The following KSR2 variants were observed in gnomAD, a reference collection of about 807,000 sequenced individuals.
KSR2 encodes kinase suppressor of ras 2.
Under a neutral mutation model 107.8 loss-of-function variants are expected in KSR2, and 25 were observed. The ratio of observed to expected loss-of-function variants is 0.23; its 90% CI spans 0.17 to 0.32. The LOEUF (loss-of-function observed/expected upper bound fraction) is 0.32. KSR2 is among the 10% of genes least tolerant of loss of function. The probability of loss-of-function intolerance (pLI) is 1.00; values close to 1 mark genes in which losing one functional copy is unlikely to be tolerated. For missense variants in KSR2, 887 were observed against 1,268.9 expected, an observed-to-expected ratio of 0.70 and a Z score of 4.57; for synonymous variants, 480 against 507.0, an observed-to-expected ratio of 0.95 and a Z score of 0.71.
intron 4 of KSR2, among the ~76,000 whole-genome samples, chr12:117,699,609 T>TA (rs1344877673): frequency 6.6e-6 from 1 of 152,114 alleles, no homozygotes; most frequent in Non-Finnish European, 1.5e-5. Flanking sequence ...ACAGGCAAAA[T>TA]ACGCTATAAA....
At chr12:117,580,830 G>C (rs1413150521) in intron 6 of KSR2, among the ~76,000 whole-genome samples, 2 of 152,170 alleles carry the variant, frequency 1.3e-5, no homozygotes, top group Non-Finnish European at 2.9e-5. Context: ...CAGGGGCCGA[G>C]CTGAGCCAGA....
intron 5 of KSR2, among the ~76,000 whole-genome samples, chr12:117,598,275 C>T (rs567454107): frequency 1.1e-4 from 16 of 152,318 alleles, no homozygotes; most frequent in Admixed American, 1.0e-3. Flanking sequence ...GAATAATGGT[C>T]TCCAACTCCA....
intron 1 of KSR2, among the ~76,000 whole-genome samples, chr12:117,952,534 G>C (rs1896394551): frequency 6.6e-6 from 1 of 151,838 alleles, no homozygotes; most frequent in South Asian, 2.1e-4. Flanking sequence ...AAATTAGCCA[G>C]GTGTGGTGGC....
chr12:117,547,920 C>T (rs1876994881), intron 9 of KSR2, among the ~76,000 whole-genome samples: 1 of 152,048 alleles, frequency 6.6e-6, no homozygotes, highest in African/African-American at 2.4e-5. Flanking sequence ...CTAGTGAAAC[C>T]CCATCTCTAC....
intron 1 of KSR2, among the ~76,000 whole-genome samples, chr12:117,906,223 G>A (rs1410193826): frequency 6.6e-6 from 1 of 151,802 alleles, no homozygotes; most frequent in Admixed American, 6.6e-5. Flanking sequence ...CATGGTGGTG[G>A]GCACCTGTAA....
chr12:117,822,233 G>A (rs1389440122), intron 3 of KSR2, among the ~76,000 whole-genome samples: 1 of 152,184 alleles, frequency 6.6e-6, no homozygotes, highest in Non-Finnish European at 1.5e-5. Context: ...CCTTGGGGCT[G>A]CTCTGTCTAT....
At chr12:117,527,753 C>T (rs977428217) in intron 12 of KSR2, among the ~76,000 whole-genome samples, 4 of 152,092 alleles carry the variant, frequency 2.6e-5, no homozygotes, top group Admixed American at 2.6e-4. Flanking sequence ...TATGTAGATA[C>T]TATGCAGGGA....
chr12:117,635,873 C>T (rs1263403973), intron 5 of KSR2, among the ~76,000 whole-genome samples: 2 of 151,744 alleles, frequency 1.3e-5, no homozygotes, highest in Non-Finnish European at 2.9e-5. Flanking sequence ...CTCACCGCAA[C>T]CTCCACCTCC....
At chr12:117,780,214 T>C (rs1215564902) in intron 3 of KSR2, among the ~76,000 whole-genome samples, 2 of 152,204 alleles carry the variant, frequency 1.3e-5, no homozygotes, top group Non-Finnish European at 2.9e-5. Context: ...CCTAGGTCGA[T>C]ACCCAAAAGA....
At chr12:117,583,340 G>A (rs1879791787) in intron 5 of KSR2, among the ~76,000 whole-genome samples, 1 of 147,960 alleles carries the variant, frequency 6.8e-6, no homozygotes, top group Non-Finnish European at 1.5e-5. Flanking sequence ...TGGATAGATA[G>A]ATGGATGGGT....
chr12:117,860,002 G>C (rs1473800721), intron 2 of KSR2, among the ~76,000 whole-genome samples: 4 of 152,216 alleles, frequency 2.6e-5, no homozygotes, highest in African/African-American at 9.6e-5. Context: ...GTAGCAGAAA[G>C]TTCCACTGGA....
At chr12:117,786,558 G>A (rs139665121) in intron 3 of KSR2, among the ~76,000 whole-genome samples, 196 of 152,232 alleles carry the variant, frequency 1.3e-3, no homozygotes, top group African/African-American at 4.5e-3. Flanking sequence ...GCTCACGGCT[G>A]TAATCCCAGC....
chr12:117,640,033 G>A (rs976355880), intron 5 of KSR2, among the ~76,000 whole-genome samples: 3 of 152,212 alleles, frequency 2.0e-5, no homozygotes, highest in African/African-American at 7.2e-5. Context: ...TCTCAGGGAG[G>A]TTGACTAACC....
chr12:117,896,965 G>C (rs1255014930), intron 1 of KSR2, among the ~76,000 whole-genome samples: 1 of 152,136 alleles, frequency 6.6e-6, no homozygotes, highest in Non-Finnish European at 1.5e-5. Flanking sequence ...TAAGGATCCA[G>C]TGTTCACACT....
At chr12:117,526,991 G>T (rs866601291) in intron 13 of KSR2, 80 bp downstream of exon 13, 2 of 1,200,590 alleles carry the variant, frequency 1.7e-6, no homozygotes, top group Non-Finnish European at 2.5e-6. Flanking sequence ...AGCCCTCTGC[G>T]TCATCCAAAA....
At chr12:117,917,336 T>C (rs1465987546) in intron 1 of KSR2, among the ~76,000 whole-genome samples, 1 of 151,920 alleles carries the variant, frequency 6.6e-6, no homozygotes, top group African/African-American at 2.4e-5. Flanking sequence ...AGGGCAAGAG[T>C]TCGAGACCAG....
chr12:117,669,401 G>A (rs991341502), intron 4 of KSR2, among the ~76,000 whole-genome samples: 13 of 152,128 alleles, frequency 8.5e-5, no homozygotes, highest in African/African-American at 2.9e-4. Flanking sequence ...CCATTTCTTA[G>A]TATAGAGCTA....
intron 3 of KSR2, among the ~76,000 whole-genome samples, chr12:117,800,263 G>A (rs189315694): frequency 3.5e-4 from 54 of 152,266 alleles, no homozygotes; most frequent in East Asian, 3.5e-3. Context: ...TTGCTGTTAT[G>A]AGCTGGTTTA....
At chr12:117,857,226 T>C (rs1173944671) in intron 2 of KSR2, among the ~76,000 whole-genome samples, 2 of 152,040 alleles carry the variant, frequency 1.3e-5, no homozygotes, top group African/African-American at 4.8e-5. Context: ...GCCTGGCTAA[T>C]TTTTAAATTT....
Sources: gnomAD v4.1 joint callset for allele counts (sites outside exome capture counted in the v4.1 genomes callset) on GRCh38, gnomAD v4.1.1 for gene constraint, MANE v1.5 for transcripts, NCBI Gene and HGNC (gene_info 2026-07-23, HGNC 2026-07-21) for gene names.